The following KCNIP1 variants were observed in gnomAD, a reference collection of about 807,000 sequenced individuals.
The protein encoded by KCNIP1 is potassium voltage-gated channel interacting protein 1.
Under a neutral mutation model 33.0 loss-of-function variants are expected in KCNIP1, and 18 were observed. The observed-to-expected ratio is 0.55, with a 90% CI of 0.38 to 0.81. The LOEUF is 0.81. KCNIP1 is among the 30% of genes least tolerant of loss of function. The pLI, the probability that KCNIP1 is intolerant of heterozygous loss-of-function variation, is 0.00. For synonymous variants in KCNIP1, 93 were observed against 98.3 expected, an observed-to-expected ratio of 0.95 and a Z score of 0.32; for missense variants, 238 against 271.6, an observed-to-expected ratio of 0.88 and a Z score of 0.87.
intron 1 of KCNIP1, among the ~76,000 whole-genome samples, chr5:170,469,616 G>A (rs558227354): frequency 6.6e-6 from 1 of 152,166 alleles, no homozygotes; most frequent in Non-Finnish European, 1.5e-5. Flanking sequence ...TGCTTTCTGA[G>A]GGCACCAATG....
intron 1 of KCNIP1, among the ~76,000 whole-genome samples, chr5:170,490,730 C>T (rs1297033510): frequency 6.6e-6 from 1 of 152,170 alleles, no homozygotes; most frequent in Non-Finnish European, 1.5e-5. Context: ...AATCCACACT[C>T]CTCACGGAGC....
At chr5:170,411,272 G>A (rs1041969874) in intron 1 of KCNIP1, among the ~76,000 whole-genome samples, 5 of 152,224 alleles carry the variant, frequency 3.3e-5, no homozygotes, top group Non-Finnish European at 7.3e-5. Context: ...ATGTCATTAT[G>A]ATGCCCATTT....
intron 1 of KCNIP1, chr5:170,712,913 C>T (rs747653759): frequency 6.2e-7 from 1 of 1,600,350 alleles, no homozygotes. Flanking sequence ...ACTAACCTGA[C>T]TTTGGTCACA....
intron 1 of KCNIP1, among the ~76,000 whole-genome samples, chr5:170,399,461 G>C (rs1754841159): frequency 6.6e-6 from 1 of 152,136 alleles, no homozygotes; most frequent in Non-Finnish European, 1.5e-5. Context: ...CTTTGTCCTT[G>C]AGTAATGTTT....
At chr5:170,649,044 C>T (rs1166432176) in intron 1 of KCNIP1, among the ~76,000 whole-genome samples, 1 of 152,144 alleles carries the variant, frequency 6.6e-6, no homozygotes, top group African/African-American at 2.4e-5. Flanking sequence ...GGAACTCTTA[C>T]ACATTACTGA....
chr5:170,551,313 C>T (rs970130607), intron 1 of KCNIP1, among the ~76,000 whole-genome samples: 5 of 152,148 alleles, frequency 3.3e-5, no homozygotes, highest in Non-Finnish European at 5.9e-5. Flanking sequence ...TCTAAGATTA[C>T]GTTATTATCT....
intron 1 of KCNIP1, among the ~76,000 whole-genome samples, chr5:170,461,887 G>C (rs1232995082): frequency 6.6e-6 from 1 of 152,184 alleles, no homozygotes; most frequent in African/African-American, 2.4e-5. Flanking sequence ...TCAAGGAATA[G>C]TGCTGGGATA....
intron 1 of KCNIP1, among the ~76,000 whole-genome samples, chr5:170,651,747 G>C (rs1761053990): frequency 6.6e-6 from 1 of 151,970 alleles, no homozygotes; most frequent in African/African-American, 2.4e-5. Context: ...TAATTATTCA[G>C]CATCCTCTCC....
chr5:170,727,691 C>T (rs1764057852), intron 5 of KCNIP1, among the ~76,000 whole-genome samples: 1 of 152,206 alleles, frequency 6.6e-6, no homozygotes, highest in Non-Finnish European at 1.5e-5. Context: ...AATCCCAACA[C>T]TTTGGGAGAC....
At chr5:170,371,310 T>C (rs772910606) in intron 1 of KCNIP1, among the ~76,000 whole-genome samples, 9 of 152,138 alleles carry the variant, frequency 5.9e-5, no homozygotes, top group African/African-American at 9.7e-5. Flanking sequence ...TCCTTCTGCT[T>C]GGCCATCACC....
intron 1 of KCNIP1, among the ~76,000 whole-genome samples, chr5:170,409,389 A>G (rs1195874127): frequency 2.6e-5 from 4 of 152,310 alleles, no homozygotes; most frequent in East Asian, 3.9e-4. Flanking sequence ...AATGTGTGCA[A>G]TGTGGGTGTG....
chr5:170,548,548 A>G lies in KCNIP1; in HGVS notation c.61+43915A>G, dbSNP rs543062295. On this transcript the variant is annotated intron_variant, in intron 1 of 7. Coordinates refer to ENST00000328939, the MANE Select transcript of KCNIP1 (RefSeq NM_014592.4). ...TTTCATTTGAGGTTTTTCAGACCAC[A>G]AACCCATGTGAGAGCTCACATATGG... 2.6e-5 allele frequency among the ~76,000 whole-genome samples: 4 copies of G among 152,370 alleles called. No homozygotes were observed. In the South Asian group the frequency reaches 8.3e-4, roughly 32 times the overall value.
chr5:170,474,854 A>C (rs1021533478), intron 1 of KCNIP1, among the ~76,000 whole-genome samples: 5 of 152,210 alleles, frequency 3.3e-5, no homozygotes, highest in Non-Finnish European at 7.4e-5. Context: ...AGCAGCAGCA[A>C]GATTTTTTGT....
intron 1 of KCNIP1, among the ~76,000 whole-genome samples, chr5:170,575,442 C>G (rs1757567512): frequency 6.6e-6 from 1 of 152,154 alleles, no homozygotes; most frequent in Admixed American, 6.5e-5. Flanking sequence ...TGCCACCTGG[C>G]AGAAAATTCA....
At chr5:170,530,910 TTCC>T (rs1302588258) in intron 1 of KCNIP1, among the ~76,000 whole-genome samples, 1 of 152,148 alleles carries the variant, frequency 6.6e-6, no homozygotes, top group South Asian at 2.1e-4. Flanking sequence ...AGTGGGGTCT[TTCC>T]TGCAGAGGCC....
chr5:170,382,397 C>G (rs947105777), intron 1 of KCNIP1, among the ~76,000 whole-genome samples: 12 of 152,140 alleles, frequency 7.9e-5, no homozygotes, highest in African/African-American at 2.9e-4. Flanking sequence ...GAGACATACA[C>G]ACTCACATTT....
chr5:170,507,589 A>G (rs548668849), intron 1 of KCNIP1, among the ~76,000 whole-genome samples: 7 of 152,318 alleles, frequency 4.6e-5, no homozygotes, highest in African/African-American at 1.2e-4. Context: ...CCTTGCTTCA[A>G]CCCTCACTGA....
chr5:170,367,373 GA>G (rs1744040353), intron 1 of KCNIP1, among the ~76,000 whole-genome samples: 1 of 103,024 alleles, frequency 9.7e-6, no homozygotes. Context: ...AAGAAAGAAA[GA>G]AAGAAAGAAA....
chr5:170,440,187 G>A (rs1413559201), intron 1 of KCNIP1, among the ~76,000 whole-genome samples: 3 of 152,202 alleles, frequency 2.0e-5, no homozygotes, highest in Non-Finnish European at 2.9e-5. Context: ...GGCCTCAGGG[G>A]AAACCAACCT....
Sources: allele counts gnomAD v4.1 joint callset (sites outside exome capture counted in the v4.1 genomes callset), GRCh38; gene constraint gnomAD v4.1.1; transcripts MANE v1.5; gene names NCBI Gene and HGNC (gene_info 2026-07-23, HGNC 2026-07-21).